The following RNF216 variants were observed in gnomAD, a reference collection of about 807,000 sequenced individuals.
The protein encoded by RNF216 is E3 ubiquitin-protein ligase RNF216.
Under a neutral mutation model 110.8 loss-of-function variants are expected in RNF216, and 72 were observed. The ratio of observed to expected loss-of-function variants is 0.65; its 90% CI spans 0.54 to 0.79. The LOEUF (loss-of-function observed/expected upper bound fraction) is 0.79, where lower values mean the gene tolerates loss of function less well. Among genes scored for constraint, RNF216 ranks in the 30% least tolerant of loss-of-function variants. RNF216 has a pLI of 0.00. For synonymous variants in RNF216, 495 were observed against 407.5 expected (o/e 1.21, Z -2.59); for missense variants, 1,342 against 1,141.2 (o/e 1.18, Z -2.54).
intron 13 of RNF216, among the ~76,000 whole-genome samples, chr7:5,684,316 C>T (rs1284809995): frequency 6.6e-6 from 1 of 151,950 alleles, no homozygotes; most frequent in East Asian, 1.9e-4. Flanking sequence ...ACTGTGTTAG[C>T]CAGGATGGTC....
rs149778410 is a variant in RNF216, at chr7:5,692,608, T to A, written c.2061+19153A>T. Among the ~76,000 whole-genome samples the A allele has an allele frequency of 1.2e-3, 183 of 152,290 alleles. 1 individual carries two copies. The highest frequency in any genetic ancestry group is 6.8e-3 in the Middle Eastern group (2 of 294). Reference sequence around the variant, plus strand: ...CGAGCGAGGAGAAAGGCAGAGCTGCTCAGTTCCAGCTCCTTCCACACACCA... The same window carrying A: ...CGAGCGAGGAGAAAGGCAGAGCTGCACAGTTCCAGCTCCTTCCACACACCA... On this transcript the variant is annotated intron_variant, in intron 13 of 16. Transcript: ENST00000389902.
In RNF216 at chr7:5,622,747, C is replaced by G; in HGVS notation, c.*113G>C. The G allele has an allele frequency of 1.9e-6, 2 of 1,074,384 alleles. No homozygotes were observed. Among genetic ancestry groups the G allele is most frequent in the Non-Finnish European group, 2.7e-6 (2 of 749,600 alleles). The allele number at this position is 1,074,384 out of a possible 1,614,324, so 66.6% of individuals were successfully genotyped here. A position where few individuals can be genotyped will look rare whatever the true frequency, so the allele number is the denominator to read the frequency against. ...AGGGGTGGGAAGAAAACCAGCCTAC[C>G]CTTCAAGCTGACTTAGGATGCAATG... On this transcript the variant is annotated 3_prime_UTR_variant, in exon 17 of 17. Coordinates refer to ENST00000389902, the MANE Select transcript of RNF216 (RefSeq NM_207111.4).
intron 9 of RNF216, among the ~76,000 whole-genome samples, chr7:5,718,527 C>G (rs1793208124): frequency 1.3e-5 from 2 of 151,182 alleles, no homozygotes; most frequent in Admixed American, 6.6e-5. Context: ...AAGTTCAAAA[C>G]AAACAGAAAG....
intron 3 of RNF216, among the ~76,000 whole-genome samples, chr7:5,749,177 G>T (rs987912643): frequency 7.0e-6 from 1 of 143,766 alleles, no homozygotes. Context: ...TTGAGACAGG[G>T]TCTCCCTCTG....
At chr7:5,706,838 T>C (rs949899669) in intron 13 of RNF216, among the ~76,000 whole-genome samples, 1 of 152,238 alleles carries the variant, frequency 6.6e-6, no homozygotes, top group African/African-American at 2.4e-5. Flanking sequence ...CAGGAAATCA[T>C]TGCCAAGACT....
At chr7:5,753,910 G>A (rs1795466219) in intron 2 of RNF216, among the ~76,000 whole-genome samples, 3 of 152,096 alleles carry the variant, frequency 2.0e-5, no homozygotes, top group South Asian at 4.1e-4. Context: ...CAGGAGAATC[G>A]TTTGAACTCG....
At chr7:5,650,941 T>C (rs1295530374) in intron 14 of RNF216, among the ~76,000 whole-genome samples, 1 of 152,172 alleles carries the variant, frequency 6.6e-6, no homozygotes, top group African/African-American at 2.4e-5. Flanking sequence ...ACCAAACTCC[T>C]TCCATATCCT....
intron 11 of RNF216, among the ~76,000 whole-genome samples, chr7:5,714,760 G>T (rs921943724): frequency 4.4e-5 from 6 of 137,500 alleles, no homozygotes; most frequent in East Asian, 1.9e-4. Flanking sequence ...AGGCTGCAAG[G>T]TTCTCTCTTT....
At position 5,739,314 on chromosome 7, in the gene RNF216, C is replaced by T. The variant is rs368602855; in HGVS notation, c.1083G>A (p.Glu361=). 6.3e-7 allele frequency: 1 copy of T among 1,596,834 alleles called. No homozygotes were observed. The change falls in exon 5 of 17, where the codon GAG becomes GAA. Residue 361 remains glutamate, a synonymous_variant. Transcript: ENST00000389902. ...RFPDVANGFI[E]EIIHFKNYYD... is the part of the protein sequence containing the mutation. ...AATAATTCTTAAAATGAATTATTTC[C>T]TCAATAAACCCATTTGCTACATCTG... is the stretch of plus-strand genomic sequence containing the variant.
intron 13 of RNF216, among the ~76,000 whole-genome samples, chr7:5,684,460 T>C (rs6956990): frequency 0.065 from 9,830 of 152,216 alleles, 716 homozygotes; most frequent in African/African-American, 0.18. Flanking sequence ...TGCTGATCTT[T>C]AGGCTCCTCT....
intron 15 of RNF216, among the ~76,000 whole-genome samples, chr7:5,629,631 G>T (rs939095490): frequency 6.6e-6 from 1 of 151,914 alleles, no homozygotes; most frequent in African/African-American, 2.4e-5. Flanking sequence ...GTTTGAGACA[G>T]GCCTGGCCAA....
At chr7:5,727,971 T>C (rs1250693686) in intron 7 of RNF216, among the ~76,000 whole-genome samples, 1 of 152,074 alleles carries the variant, frequency 6.6e-6, no homozygotes, top group Non-Finnish European at 1.5e-5. Flanking sequence ...CTACAGTCTG[T>C]ATTTTCCAAA....
At chr7:5,648,871 G>GAACA (rs1384292545) in intron 14 of RNF216, among the ~76,000 whole-genome samples, 2 of 152,110 alleles carry the variant, frequency 1.3e-5, no homozygotes, top group African/African-American at 4.8e-5. Context: ...ATCCTAACCT[G>GAACA]AACAAACTAA....
chr7:5,635,290 CT>C (rs755049416), intron 15 of RNF216, among the ~76,000 whole-genome samples: 6,410 of 135,810 alleles, frequency 0.047, 163 homozygotes, highest in African/African-American at 0.076. Flanking sequence ...ACTAACTTCA[CT>C]TTTTTTTTTT....
chr7:5,708,482 T>A (rs919240808), intron 13 of RNF216, among the ~76,000 whole-genome samples: 3 of 152,242 alleles, frequency 2.0e-5, no homozygotes, highest in African/African-American at 7.2e-5. Flanking sequence ...GTGAAAGTGA[T>A]ACACATTCAG....
intron 13 of RNF216, among the ~76,000 whole-genome samples, chr7:5,672,053 T>C (rs10281991): frequency 0.011 from 1,607 of 152,298 alleles, 30 homozygotes; most frequent in African/African-American, 0.036. Context: ...ACAGTGGCCA[T>C]TGATGACTAT....
intron 11 of RNF216, among the ~76,000 whole-genome samples, chr7:5,714,509 C>T (rs754546018): frequency 7.4e-5 from 11 of 149,578 alleles, no homozygotes; most frequent in South Asian, 2.1e-4. Context: ...CCGCCTACCT[C>T]GGCCTCCCAA....
intron 13 of RNF216, among the ~76,000 whole-genome samples, chr7:5,682,474 C>T (rs1444204697): frequency 6.6e-6 from 1 of 150,608 alleles, no homozygotes; most frequent in African/African-American, 2.5e-5. Context: ...GTGGCGCGGT[C>T]TTGTCTTACT....
chr7:5,626,071 T>A (rs931048718), intron 15 of RNF216, among the ~76,000 whole-genome samples: 1 of 152,204 alleles, frequency 6.6e-6, no homozygotes, highest in African/African-American at 2.4e-5. Context: ...CCATCATGCA[T>A]TTCAAGAGTT....
Sources: gnomAD v4.1 joint callset for allele counts (sites outside exome capture counted in the v4.1 genomes callset) on GRCh38, gnomAD v4.1.1 for gene constraint, MANE v1.5 for transcripts, NCBI Gene and HGNC (gene_info 2026-07-23, HGNC 2026-07-21) for gene names.